MED13: variants seen among roughly 807,000 people sequenced by gnomAD.
MED13 encodes the protein mediator complex subunit 13.
A neutral mutation model predicts 225.2 loss-of-function variants in MED13; 23 were observed. That is an observed-to-expected ratio of 0.10 (90% CI 0.07 to 0.14). MED13 has a LOEUF of 0.14. Among genes scored for constraint, MED13 ranks in the 10% least tolerant of loss-of-function variants. The pLI is 1.00. For synonymous variants in MED13, 942 were observed against 889.2 expected (o/e 1.06, Z -1.06); for missense variants, 2,197 against 2,594.5 (o/e 0.85, Z 3.33).
intron 8 of MED13, among the ~76,000 whole-genome samples, chr17:62,025,958 G>A (rs2143657322): frequency 6.6e-6 from 1 of 152,252 alleles, no homozygotes; most frequent in South Asian, 2.1e-4. Flanking sequence ...AAACATAACA[G>A]CACACTTGAG....
chr17:62,028,396 G>A (rs1212923498), intron 8 of MED13, among the ~76,000 whole-genome samples: 2 of 152,146 alleles, frequency 1.3e-5, no homozygotes, highest in Admixed American at 6.6e-5. Context: ...CTACTTGAGG[G>A]TGGAGGCTGG....
intron 11 of MED13, among the ~76,000 whole-genome samples, chr17:61,988,724 C>T (rs562197634): frequency 3.0e-4 from 45 of 151,304 alleles, no homozygotes; most frequent in African/African-American, 5.1e-4. Flanking sequence ...AATTTGTTTC[C>T]GAGTTTTTTC....
intron 3 of MED13, among the ~76,000 whole-genome samples, chr17:62,050,240 C>A (rs1427210103): frequency 2.0e-5 from 3 of 151,778 alleles, no homozygotes; most frequent in Admixed American, 6.6e-5. Flanking sequence ...CGCCTGTAAT[C>A]CCAGCTACTC....
rs563147456 is a variant in MED13, at chr17:61,985,455, A to G, written c.2386-365T>C. ...TTGGGAGGCTGAGGCAGGCAGATCAATTTGAGGCCAGGAGTTTGAGACCAG... is the reference window on the plus strand; with the variant it reads ...TTGGGAGGCTGAGGCAGGCAGATCAGTTTGAGGCCAGGAGTTTGAGACCAG... On this transcript the variant is annotated intron_variant, in intron 12 of 29. Coordinates refer to ENST00000397786, the MANE Select transcript of MED13 (RefSeq NM_005121.3). Among the ~76,000 whole-genome samples the G allele has an allele frequency of 5.3e-5, 8 of 152,182 alleles. No individual in the cohort carries two copies. In the East Asian group the frequency reaches 1.5e-3, roughly 29 times the overall value.
intron 5 of MED13, among the ~76,000 whole-genome samples, chr17:62,033,320 T>A (rs1181624821): frequency 6.6e-6 from 1 of 152,216 alleles, no homozygotes; most frequent in Admixed American, 6.5e-5. Flanking sequence ...CAACACAGGT[T>A]GTCAACTTTT....
intron 3 of MED13, among the ~76,000 whole-genome samples, chr17:62,050,646 G>A (rs1374983722): frequency 6.6e-6 from 1 of 152,184 alleles, no homozygotes; most frequent in Non-Finnish European, 1.5e-5. Context: ...ATTCATTGGG[G>A]CTCAGGATTG....
intron 17 of MED13, among the ~76,000 whole-genome samples, chr17:61,969,252 G>A (rs909814423): frequency 1.4e-4 from 21 of 152,184 alleles, no homozygotes; most frequent in African/African-American, 4.8e-4. Context: ...CTACTCAGGA[G>A]GCTGAAGCAG....
chr17:61,973,552 T>C (rs2080127384), intron 16 of MED13, among the ~76,000 whole-genome samples: 1 of 152,204 alleles, frequency 6.6e-6, no homozygotes, highest in Non-Finnish European at 1.5e-5. Context: ...AAGATATTGA[T>C]ATAATAAATG....
chr17:62,059,067 G>T (rs181701201), intron 2 of MED13, among the ~76,000 whole-genome samples: 27 of 152,276 alleles, frequency 1.8e-4, no homozygotes, highest in Non-Finnish European at 2.6e-4. Context: ...GAAAGTCTGA[G>T]AAACTGTCAC....
chr17:62,059,689 G>A (rs1168512399), intron 2 of MED13, among the ~76,000 whole-genome samples: 2 of 152,188 alleles, frequency 1.3e-5, no homozygotes, highest in Non-Finnish European at 2.9e-5. Context: ...GTTAGCTAGA[G>A]AGACAGAGGC....
At chr17:61,963,019 T>C (rs1405743135) in intron 20 of MED13, 48 bp from the exon 21 acceptor site, 28 of 1,536,220 alleles carry the variant, frequency 1.8e-5, no homozygotes, top group Non-Finnish European at 2.5e-5. Context: ...TGTATATGCT[T>C]GGGGTAGCAT....
chr17:62,018,242 G>A (rs1298723211), intron 8 of MED13, among the ~76,000 whole-genome samples: 1 of 152,032 alleles, frequency 6.6e-6, no homozygotes, highest in East Asian at 1.9e-4. Flanking sequence ...TGCATTGGCT[G>A]AATTCCACAT....
chr17:62,019,384 TATAA>T (rs142648020), intron 8 of MED13, among the ~76,000 whole-genome samples: 10,230 of 152,302 alleles, frequency 0.067, 584 homozygotes, highest in South Asian at 0.31. Flanking sequence ...TTCTCTAAAA[TATAA>T]ATAGATGTAA....
In MED13 at chr17:62,061,007, A is replaced by G. The variant is rs544942681; in HGVS notation, c.301+2060T>C. On this transcript the variant is annotated intron_variant, in intron 2 of 29. Transcript: ENST00000397786. Reference sequence around the variant, plus strand: ...AGTGAGCCATGGCACCCAGCTGATCACTATTTTAAAGGTACAAGTAACTAC... The same window carrying G: ...AGTGAGCCATGGCACCCAGCTGATCGCTATTTTAAAGGTACAAGTAACTAC... Among the ~76,000 whole-genome samples the G allele has an allele frequency of 1.1e-4, 16 of 152,226 alleles. No homozygotes were observed. In the East Asian group the frequency reaches 2.9e-3, roughly 28 times the overall value.
intron 5 of MED13, among the ~76,000 whole-genome samples, chr17:62,032,177 A>G (rs2080763574): frequency 6.6e-6 from 1 of 151,976 alleles, no homozygotes; most frequent in Admixed American, 6.6e-5. Context: ...CAGACAAACA[A>G]CAACAAAAAA....
At chr17:61,990,870 GCTAA>G (rs1421480231) in intron 11 of MED13, among the ~76,000 whole-genome samples, 1 of 151,982 alleles carries the variant, frequency 6.6e-6, no homozygotes, top group Non-Finnish European at 1.5e-5. Flanking sequence ...CATAACAGGT[GCTAA>G]CTAAGTATTT....
chr17:61,977,209 A>G (rs2080164577), intron 16 of MED13, among the ~76,000 whole-genome samples: 1 of 152,210 alleles, frequency 6.6e-6, no homozygotes, highest in African/African-American at 2.4e-5. Flanking sequence ...GTTAGAAGGT[A>G]ATAGTCCACA....
At chr17:61,994,891 A>AT (rs2080334376) in intron 10 of MED13, among the ~76,000 whole-genome samples, 1 of 152,068 alleles carries the variant, frequency 6.6e-6, no homozygotes, top group Non-Finnish European at 1.5e-5. Context: ...TTGTATTTTT[A>AT]TTAGAGACAG....
At chr17:62,022,165 CA>C (rs35035293) in intron 8 of MED13, among the ~76,000 whole-genome samples, 22 of 133,810 alleles carry the variant, frequency 1.6e-4, no homozygotes, top group South Asian at 4.8e-4. Flanking sequence ...AAGACTGTCT[CA>C]AAAAAAAAAT....
Sources: gnomAD v4.1 joint callset for allele counts (sites outside exome capture counted in the v4.1 genomes callset) on GRCh38, gnomAD v4.1.1 for gene constraint, MANE v1.5 for transcripts, NCBI Gene and HGNC (gene_info 2026-07-23, HGNC 2026-07-21) for gene names.